The following CAPN3 variants were observed in gnomAD, a reference collection of about 807,000 sequenced individuals.
The protein encoded by CAPN3 is calpain 3.
In CAPN3, 88 loss-of-function variants were observed where a neutral mutation model predicts 114.0. That is an observed-to-expected ratio of 0.77 (90% CI 0.65 to 0.92). The LOEUF (loss-of-function observed/expected upper bound fraction) is 0.92. Among genes scored for constraint, CAPN3 ranks in the 40% least tolerant of loss-of-function variants. The probability of loss-of-function intolerance (pLI) is 0.00; values close to 1 mark genes in which losing one functional copy is unlikely to be tolerated. For missense variants in CAPN3, 1,028 were observed against 1,069.0 expected, an observed-to-expected ratio of 0.96 and a Z score of 0.53; for synonymous variants, 386 against 382.9, an observed-to-expected ratio of 1.01 and a Z score of -0.09.
At chr15:42,406,163 T>C (rs949005211) in intron 15 of CAPN3, among the ~76,000 whole-genome samples, 4 of 152,156 alleles carry the variant, frequency 2.6e-5, no homozygotes, top group African/African-American at 9.7e-5. Context: ...GTGCTTTCCA[T>C]GATTAATTCC....
chr15:42,402,527 A>G (rs773390763), intron 12 of CAPN3: 4 of 1,441,056 alleles, frequency 2.8e-6, no homozygotes, highest in Non-Finnish European at 3.6e-6. Context: ...TTCCAGCCTG[A>G]GGGGCTTCGG....
chr15:42,364,718 G>C (rs2052734768), intron 1 of CAPN3, among the ~76,000 whole-genome samples: 1 of 152,194 alleles, frequency 6.6e-6, no homozygotes, highest in Non-Finnish European at 1.5e-5. Flanking sequence ...GATCACACTT[G>C]GCTGGGAAAC....
chr15:42,391,749 G>A (rs568892681), intron 6 of CAPN3, among the ~76,000 whole-genome samples: 204 of 152,240 alleles, frequency 1.3e-3, no homozygotes, highest in Middle Eastern at 3.4e-3. Flanking sequence ...CCTTAGGCAC[G>A]GTCATGTCTG....
At chr15:42,403,698 C>G (rs553235091) in intron 13 of CAPN3, 43 bp from the exon 14 acceptor site, 1 of 1,593,812 alleles carries the variant, frequency 6.3e-7, no homozygotes, top group South Asian at 1.1e-5. Flanking sequence ...CTCCTGCTTG[C>G]TTCTGGTGAC....
rs2053593161 is a variant in CAPN3, at chr15:42,392,728, C to T, written c.1029+6C>T. 1.2e-6 allele frequency: 2 copies of T among 1,612,786 alleles called. No homozygotes were observed. The highest frequency in any genetic ancestry group is 1.7e-6 in the Non-Finnish European group (2 of 1,179,058). On this transcript the variant is annotated splice_donor_region_variant and intron_variant, in intron 7 of 23. Coordinates refer to ENST00000397163, the MANE Select transcript of CAPN3 (RefSeq NM_000070.3). ...CTGTCACGGGGCTGGATGAGGTAAG[C>T]CTGGTGGGGCTTGGTGGGGCAAGGG...
In CAPN3 at chr15:42,409,916, T is replaced by C; in HGVS notation, c.2051-15T>C. The C allele has an allele frequency of 6.2e-7, 1 of 1,612,518 alleles. No homozygotes were observed. Among genetic ancestry groups the C allele is most frequent in the Non-Finnish European group, 8.5e-7 (1 of 1,179,738 alleles). ...TTGTCTCAAAGCAGCTCCTCACTCT[T>C]CTCCATCCCCCCAGACAAGGACCTG... On this transcript the variant is annotated splice_polypyrimidine_tract_variant and intron_variant, in intron 18 of 23. Transcript: ENST00000397163.
In CAPN3 at chr15:42,390,032, TG is replaced by T. The variant is rs764874721; in HGVS notation, c.883del (p.Asp295IlefsTer57). 1.4e-5 allele frequency: 23 copies of T among 1,613,976 alleles called. No individual in the cohort carries two copies. The highest frequency in any genetic ancestry group is 1.9e-5 in the Non-Finnish European group (23 of 1,180,008). Reference sequence around the variant, plus strand: ...TTGATTGCACGGATGGTAAGGAATATGGATAACTCACTGCTCCAGGACTCAG... The same window carrying T: ...TTGATTGCACGGATGGTAAGGAATATGATAACTCACTGCTCCAGGACTCAG... ...GELIARMVRNMDNSLLQDSDL... is the reference protein window; with the variant it reads ...GELIARMVRNXDNSLLQDSDL... On this transcript the variant is annotated frameshift_variant, in exon 6 of 24. Transcript: ENST00000397163. LOFTEE classifies it high-confidence loss of function.
At chr15:42,363,235 C>T (rs1427304451) in intron 1 of CAPN3, among the ~76,000 whole-genome samples, 1 of 152,196 alleles carries the variant, frequency 6.6e-6, no homozygotes. Context: ...GGCAAACAAT[C>T]TGGTTCCTCT....
Position 42,387,844 on chromosome 15 carries a change from G to T in CAPN3, c.590G>T (p.Arg197Leu), listed in dbSNP as rs768426565. ...CTGGTTTTCACCAAGTCCAACCACC[G>T]CAATGAGTTCTGGAGTGCTCTGCTG... ...NQLVFTKSNH[R>L]NEFWSALLEK... The change falls in exon 4 of 24, where the codon CGC (arginine) becomes CTC (leucine). Residue 197 changes from arginine to leucine, a missense_variant. Arg to Leu is a moderately radical substitution (Grantham distance 102). Transcript: ENST00000397163. 14 of 1,614,040 alleles carry T rather than the reference G, an allele frequency of 8.7e-6. No homozygotes were observed. The Admixed American group carries it at 1.8e-4, about 21-fold the overall frequency.
chr15:42,366,383 A>T (rs1192863907), intron 1 of CAPN3, among the ~76,000 whole-genome samples: 1 of 152,086 alleles, frequency 6.6e-6, no homozygotes, highest in Non-Finnish European at 1.5e-5. Context: ...CAAGGTCCTC[A>T]TCATCCAGGC....
intron 1 of CAPN3, among the ~76,000 whole-genome samples, chr15:42,383,868 C>T (rs2053312641): frequency 6.6e-6 from 1 of 151,710 alleles, no homozygotes; most frequent in African/African-American, 2.4e-5. Context: ...CCACCACGCC[C>T]AGCCGACACT....
In CAPN3 at chr15:42,380,368, C is replaced by CTT. The variant is rs776441239; in HGVS notation, c.310-4087_310-4086dup. On this transcript the variant is annotated intron_variant, in intron 1 of 23. Transcript: ENST00000397163. ...TATCCTTTTACCTCTTCTTTTTTGT[C>CTT]TTTTTTTTTTTTTTTTTTTTTTTTT... Among the ~76,000 whole-genome samples the CTT allele has an allele frequency of 3.2e-3, 147 of 46,102 alleles. 26 individuals are homozygous for CTT. Among genetic ancestry groups the CTT allele is most frequent in the Non-Finnish European group, 4.0e-3 (105 of 26,012 alleles). 30.2% of individuals were successfully genotyped at this position (46,102 alleles called of 152,430 possible). A position where few individuals can be genotyped will look rare whatever the true frequency, so the allele number is the denominator to read the frequency against.
chr15:42,409,237 G>C (rs773931838), intron 16 of CAPN3, 66 bp from the exon 17 acceptor site: 9 of 1,515,062 alleles, frequency 5.9e-6, no homozygotes, highest in Admixed American at 5.1e-5. Flanking sequence ...TGGCCCAGAG[G>C]AGCTTGCCTC....
At chr15:42,398,205 A>T (rs1176133924) in intron 9 of CAPN3, among the ~76,000 whole-genome samples, 1 of 152,042 alleles carries the variant, frequency 6.6e-6, no homozygotes, top group Non-Finnish European at 1.5e-5. Flanking sequence ...TAATGATCAA[A>T]TTAGGGTAAT....
chr15:42,401,316 AGAG>A (rs575677472), intron 10 of CAPN3, among the ~76,000 whole-genome samples: 7 of 152,162 alleles, frequency 4.6e-5, no homozygotes, highest in South Asian at 2.1e-4. Context: ...GGGTGAGGTG[AGAG>A]GAGAAGAGGC....
chr15:42,384,657 A>T, intron 2 of CAPN3, 105 bp downstream of exon 2: 1 of 854,388 alleles, frequency 1.2e-6, no homozygotes, highest in Non-Finnish European at 2.0e-6. Context: ...TGCTTCCAGT[A>T]ACTTTTTGGA....
chr15:42,394,506 G>A (rs1032357155), intron 8 of CAPN3, among the ~76,000 whole-genome samples, 165 bp downstream of exon 8: 2 of 152,192 alleles, frequency 1.3e-5, no homozygotes, highest in Non-Finnish European at 2.9e-5. Flanking sequence ...CTCCAGGGAA[G>A]GGCCAGGAGT....
chr15:42,401,740 TGCAGAAGAACCG>T lies in CAPN3; in HGVS notation c.1457_1468del (p.Gln486_Arg489del). 1 of 1,614,174 alleles carries T rather than the reference TGCAGAAGAACCG, an allele frequency of 6.2e-7. No individual in the cohort carries two copies. Among genetic ancestry groups the T allele is most frequent in the Non-Finnish European group, 8.5e-7 (1 of 1,180,016 alleles). On this transcript the variant is annotated inframe_deletion, in exon 11 of 24. Transcript: ENST00000397163. ...ATTTGCAGCTTCCTGGTGGCCCTGA[TGCAGAAGAACCG>T]GCGGAAGGACCGGAAGCTAGGGGCC...
rs1159737861 is a variant in CAPN3 at position 42,409,893 on chromosome 15, G to T, written c.2051-38G>T. Reference sequence around the variant, plus strand: ...GGTGGGGTGGGTGGGGAGTCCCGTTGTCTCAAAGCAGCTCCTCACTCTTCT... The same window carrying T: ...GGTGGGGTGGGTGGGGAGTCCCGTTTTCTCAAAGCAGCTCCTCACTCTTCT... On this transcript the variant is annotated intron_variant, in intron 18 of 23. Coordinates refer to ENST00000397163, the MANE Select transcript of CAPN3 (RefSeq NM_000070.3). The T allele has an allele frequency of 1.9e-6, 3 of 1,612,000 alleles. No individual in the cohort carries two copies. In the Admixed American group the frequency reaches 5.0e-5, roughly 27 times the overall value.
Sources: allele counts gnomAD v4.1 joint callset (sites outside exome capture counted in the v4.1 genomes callset), GRCh38; gene constraint gnomAD v4.1.1; transcripts MANE v1.5; gene names NCBI Gene and HGNC (gene_info 2026-07-23, HGNC 2026-07-21).